NPAS3: variants seen among roughly 807,000 people sequenced by gnomAD.
NPAS3 encodes neuronal PAS domain-containing protein 3.
In NPAS3, 14 loss-of-function variants were observed where a neutral mutation model predicts 73.1. The ratio of observed to expected loss-of-function variants is 0.19; its 90% CI spans 0.13 to 0.30. The LOEUF is 0.30. NPAS3 is among the 10% of genes least tolerant of loss of function. NPAS3 has a pLI of 1.00. For synonymous variants in NPAS3, 620 were observed against 541.5 expected, an observed-to-expected ratio of 1.14 and a Z score of -2.01; for missense variants, 1,096 against 1,250.0, an observed-to-expected ratio of 0.88 and a Z score of 1.86.
chr14:33,171,928 G>T (rs1018050052), intron 2 of NPAS3, among the ~76,000 whole-genome samples: 5 of 152,046 alleles, frequency 3.3e-5, no homozygotes, highest in African/African-American at 4.8e-5. Context: ...GTACTAATTG[G>T]CCTAGTTTTA....
chr14:33,576,372 T>A (rs997763230), intron 5 of NPAS3, among the ~76,000 whole-genome samples: 1 of 152,218 alleles, frequency 6.6e-6, no homozygotes, highest in Non-Finnish European at 1.5e-5. Context: ...AACTACGGAC[T>A]GTAATTTACT....
chr14:33,236,963 T>C (rs1226367714), intron 3 of NPAS3, among the ~76,000 whole-genome samples: 1 of 152,114 alleles, frequency 6.6e-6, no homozygotes, highest in Non-Finnish European at 1.5e-5. Context: ...CAGTTACAGT[T>C]TTGATTTTAC....
At chr14:33,125,067 C>T (rs1279313) in intron 2 of NPAS3, among the ~76,000 whole-genome samples, 50,722 of 151,774 alleles carry the variant, frequency 0.33, 9,042 homozygotes, top group East Asian at 0.55. Context: ...AATATGTGTT[C>T]TTTTTCCCAC....
chr14:33,202,569 G>A (rs2046660498), intron 2 of NPAS3, among the ~76,000 whole-genome samples: 1 of 152,070 alleles, frequency 6.6e-6, no homozygotes, highest in Admixed American at 6.6e-5. Context: ...TTTTTTAAAT[G>A]AAGAATAATA....
rs369802852 is a variant in NPAS3, at chr14:33,215,324, C to A, written c.283C>A (p.Arg95=). ...CCAGCTCGACAAGGCATCCATCATT[C>A]GACTTACAATTAGCTATCTGAAAAT... is the stretch of plus-strand genomic sequence containing the variant. The change falls in exon 3 of 12, where the codon CGA becomes AGA. Residue 95 remains arginine, a synonymous_variant. Coordinates refer to ENST00000356141, the Ensembl canonical transcript of NPAS3. 5 of 1,579,674 alleles carry A rather than the reference C, an allele frequency of 3.2e-6. No individual in the cohort carries two copies. The African/African-American group carries it at 5.4e-5, about 17-fold the overall frequency.
At chr14:33,785,133 G>A (rs1342482880) in intron 9 of NPAS3, among the ~76,000 whole-genome samples, 1 of 151,358 alleles carries the variant, frequency 6.6e-6, no homozygotes, top group South Asian at 2.1e-4. Flanking sequence ...ATCAGAAGAA[G>A]AAAACAAAAT....
chr14:33,634,280 G>A (rs2058456241), intron 5 of NPAS3, among the ~76,000 whole-genome samples: 2 of 152,194 alleles, frequency 1.3e-5, no homozygotes, highest in Admixed American at 1.3e-4. Context: ...CATTAGGGGA[G>A]CCACTAACTC....
At chr14:33,669,116 A>G (rs1008627150) in intron 5 of NPAS3, among the ~76,000 whole-genome samples, 1 of 143,998 alleles carries the variant, frequency 6.9e-6, no homozygotes, top group Admixed American at 7.2e-5. Context: ...AAGGTAATGA[A>G]GAAGCTTTGA....
chr14:33,115,140 T>C (rs1005927638), intron 2 of NPAS3, among the ~76,000 whole-genome samples: 1 of 152,106 alleles, frequency 6.6e-6, no homozygotes, highest in African/African-American at 2.4e-5. Flanking sequence ...TTAAGCATAG[T>C]AAGGAAAAGG....
intron 7 of NPAS3, among the ~76,000 whole-genome samples, chr14:33,736,019 G>A (rs1206775191): frequency 6.6e-6 from 1 of 152,144 alleles, no homozygotes; most frequent in Non-Finnish European, 1.5e-5. Flanking sequence ...TAAGACCTAT[G>A]AAATTCATGA....
chr14:33,138,761 A>G (rs1051719353), intron 2 of NPAS3, among the ~76,000 whole-genome samples: 1 of 152,224 alleles, frequency 6.6e-6, no homozygotes, highest in East Asian at 1.9e-4. Context: ...GAAAATTTAT[A>G]TGAAATTCTG....
intron 2 of NPAS3, among the ~76,000 whole-genome samples, chr14:33,094,496 C>A (rs1362138860): frequency 6.1e-5 from 9 of 148,520 alleles, no homozygotes; most frequent in African/African-American, 2.0e-4. Flanking sequence ...GATGGAGTCT[C>A]ACTCTGTTGC....
At chr14:33,623,433 C>T (rs989911760) in intron 5 of NPAS3, among the ~76,000 whole-genome samples, 1 of 152,218 alleles carries the variant, frequency 6.6e-6, no homozygotes, top group African/African-American at 2.4e-5. Context: ...CATTTGGACG[C>T]AGCTTCACAA....
chr14:33,150,482 C>G (rs2044407113), intron 2 of NPAS3, among the ~76,000 whole-genome samples: 1 of 152,196 alleles, frequency 6.6e-6, no homozygotes. Context: ...AATAAACTCA[C>G]CAAATATTGA....
intron 7 of NPAS3, among the ~76,000 whole-genome samples, chr14:33,769,542 A>G (rs986450127): frequency 1.3e-5 from 2 of 152,158 alleles, no homozygotes; most frequent in Non-Finnish European, 2.9e-5. Flanking sequence ...GCTGACACCA[A>G]TTGAAATGTT....
At chr14:32,951,977 G>A (rs567401818) in intron 1 of NPAS3, among the ~76,000 whole-genome samples, 1 of 151,938 alleles carries the variant, frequency 6.6e-6, no homozygotes, top group South Asian at 2.1e-4. Context: ...TAAAATAGAG[G>A]TATCACTTAT....
At chr14:33,593,249 C>T (rs971181645) in intron 5 of NPAS3, among the ~76,000 whole-genome samples, 2 of 152,064 alleles carry the variant, frequency 1.3e-5, no homozygotes, top group Non-Finnish European at 2.9e-5. Flanking sequence ...AACTCTCTGG[C>T]GGAGCTGAAG....
At chr14:33,651,656 C>G (rs2058997650) in intron 5 of NPAS3, among the ~76,000 whole-genome samples, 1 of 152,096 alleles carries the variant, frequency 6.6e-6, no homozygotes, top group Non-Finnish European at 1.5e-5. Context: ...CTCTATACCT[C>G]TGTTTCCTCT....
At chr14:33,009,147 G>A (rs1248881081) in intron 1 of NPAS3, among the ~76,000 whole-genome samples, 1 of 152,096 alleles carries the variant, frequency 6.6e-6, no homozygotes, top group African/African-American at 2.4e-5. Flanking sequence ...GGCCGACTAT[G>A]GGCTCCTCAC....
Sources: allele counts gnomAD v4.1 joint callset (sites outside exome capture counted in the v4.1 genomes callset), GRCh38; gene constraint gnomAD v4.1.1; transcripts MANE v1.5; gene names NCBI Gene and HGNC (gene_info 2026-07-23, HGNC 2026-07-21).